The following RBFOX1 variants were observed in gnomAD, a reference collection of about 807,000 sequenced individuals.
RBFOX1 encodes the protein RNA binding protein fox-1 homolog 1.
RBFOX1 carries 8 observed loss-of-function variants against 57.7 expected under a neutral mutation model. The observed-to-expected ratio is 0.14, with a 90% CI of 0.08 to 0.25. RBFOX1 has a LOEUF of 0.25. Ranked by LOEUF, RBFOX1 falls within the 10% of genes least tolerant of loss-of-function variation. The probability of loss-of-function intolerance (pLI) is 1.00; values close to 1 mark genes in which losing one functional copy is unlikely to be tolerated. For synonymous variants in RBFOX1, 326 were observed against 222.4 expected, an observed-to-expected ratio of 1.47 and a Z score of -4.15; for missense variants, 611 against 548.5, an observed-to-expected ratio of 1.11 and a Z score of -1.14.
chr16:7,381,293 C>T (rs540135177), intron 4 of RBFOX1, among the ~76,000 whole-genome samples: 21 of 152,250 alleles, frequency 1.4e-4, no homozygotes, highest in Non-Finnish European at 3.1e-4. Flanking sequence ...CTTGTTGGCT[C>T]ATAATATTGC....
At chr16:6,045,881 C>T (rs1229269906) in intron 1 of RBFOX1, among the ~76,000 whole-genome samples, 1 of 152,078 alleles carries the variant, frequency 6.6e-6, no homozygotes, top group Non-Finnish European at 1.5e-5. Flanking sequence ...AAGACCATTC[C>T]AGGAAAACAG....
intron 2 of RBFOX1, among the ~76,000 whole-genome samples, chr16:5,470,944 T>C (rs1261682257): frequency 1.3e-5 from 2 of 152,144 alleles, no homozygotes; most frequent in Admixed American, 6.6e-5. Context: ...TTCCGCATCC[T>C]GGGTTCAAGC....
chr16:5,256,186 C>T (rs1473492523), intron 1 of RBFOX1, among the ~76,000 whole-genome samples: 2 of 152,124 alleles, frequency 1.3e-5, no homozygotes, highest in East Asian at 3.9e-4. Flanking sequence ...AAAAAAGTTC[C>T]CCATTGAATT....
chr16:6,988,958 T>G (rs1471826033), intron 3 of RBFOX1, among the ~76,000 whole-genome samples: 1 of 151,980 alleles, frequency 6.6e-6, no homozygotes, highest in Non-Finnish European at 1.5e-5. Flanking sequence ...GAGATGGGTT[T>G]TCCCATGTTG....
chr16:6,631,695 G>T (rs370198311), intron 2 of RBFOX1, among the ~76,000 whole-genome samples: 79 of 152,262 alleles, frequency 5.2e-4, no homozygotes, highest in African/African-American at 1.9e-3. Context: ...GAACAGAGAG[G>T]ATAAAGCATT....
chr16:6,863,916 T>G (rs981822948), intron 3 of RBFOX1, among the ~76,000 whole-genome samples: 10 of 151,752 alleles, frequency 6.6e-5, no homozygotes, highest in African/African-American at 2.4e-4. Flanking sequence ...GCCATTTGTT[T>G]CCTTCACACT....
intron 1 of RBFOX1, among the ~76,000 whole-genome samples, chr16:6,193,957 T>C (rs1440767296): frequency 6.6e-6 from 1 of 152,170 alleles, no homozygotes; most frequent in Non-Finnish European, 1.5e-5. Flanking sequence ...CCTCTTGGCT[T>C]TCCATTGTGT....
At chr16:5,796,130 T>A (rs2054869865) in intron 3 of RBFOX1, among the ~76,000 whole-genome samples, 1 of 152,122 alleles carries the variant, frequency 6.6e-6, no homozygotes, top group Non-Finnish European at 1.5e-5. Flanking sequence ...GTGAGCTGTT[T>A]TGGAAGGTCA....
At position 5,734,045 on chromosome 16, in the gene RBFOX1, G is replaced by A. The variant is rs1040779822; in HGVS notation, c.319-133258G>A. Among the ~76,000 whole-genome samples the A allele has an allele frequency of 4.6e-5, 7 of 152,096 alleles. 1 individual carries two copies. Among genetic ancestry groups the A allele is most frequent in the South Asian group, 4.2e-4 (2 of 4,818 alleles). ...TTGTCCATGTAATAAGAACATGCAC[G>A]AACAGCCCAGGCACTTTCCCAGGGT... On this transcript the variant is annotated intron_variant, in intron 3 of 19. Coordinates refer to the RBFOX1 transcript ENST00000641259.
chr16:6,137,874 T>C (rs2096679894), intron 1 of RBFOX1, among the ~76,000 whole-genome samples: 1 of 152,066 alleles, frequency 6.6e-6, no homozygotes. Context: ...TCTCCCAAAG[T>C]GTTGGGATCA....
intron 2 of RBFOX1, among the ~76,000 whole-genome samples, chr16:6,594,881 C>G (rs557934970): frequency 1.3e-5 from 2 of 152,122 alleles, no homozygotes; most frequent in East Asian, 3.9e-4. Context: ...CTCCGCCTCC[C>G]GGGTTCAAGC....
At chr16:7,002,082 C>G (rs972926679) in intron 3 of RBFOX1, among the ~76,000 whole-genome samples, 5 of 150,878 alleles carry the variant, frequency 3.3e-5, no homozygotes, top group African/African-American at 1.2e-4. Context: ...GGACTTTGCT[C>G]TTAGACGCTA....
chr16:7,562,974 T>C (rs1202507570), intron 5 of RBFOX1, among the ~76,000 whole-genome samples: 2 of 152,150 alleles, frequency 1.3e-5, no homozygotes, highest in East Asian at 3.9e-4. Flanking sequence ...TTAGATGCCA[T>C]TAAGGGACTT....
rs559219906 is a variant in RBFOX1, at chr16:6,140,304, G to A, written c.-127+120312G>A. On this transcript the variant is annotated intron_variant, in intron 1 of 15. Coordinates refer to ENST00000550418, the MANE Select transcript of RBFOX1 (RefSeq NM_018723.4). ...CCTCCTGGGTTCAAGCGATTGTCCT[G>A]CTTCAGCCCCATGAGTAGCTGGGAT... 6.6e-5 allele frequency among the ~76,000 whole-genome samples: 10 copies of A among 151,724 alleles called. No homozygotes were observed. The East Asian group carries it at 1.9e-3, about 30-fold the overall frequency.
intron 3 of RBFOX1, among the ~76,000 whole-genome samples, chr16:5,852,347 G>C (rs1449876283): frequency 6.6e-6 from 1 of 152,184 alleles, no homozygotes; most frequent in East Asian, 1.9e-4. Context: ...GGCCTGTCTA[G>C]AGGTGAGGGA....
At chr16:7,224,649 T>C (rs944011261) in intron 4 of RBFOX1, among the ~76,000 whole-genome samples, 6 of 152,144 alleles carry the variant, frequency 3.9e-5, no homozygotes, top group Non-Finnish European at 7.3e-5. Context: ...AAATGTCTTT[T>C]TGGTTAAAAT....
intron 2 of RBFOX1, among the ~76,000 whole-genome samples, chr16:5,491,631 A>C (rs2042831695): frequency 6.6e-6 from 1 of 152,208 alleles, no homozygotes; most frequent in African/African-American, 2.4e-5. Flanking sequence ...ATTTTTACGT[A>C]GTGTTCATGT....
chr16:7,439,076 T>C (rs186907336), intron 4 of RBFOX1, among the ~76,000 whole-genome samples: 1 of 152,164 alleles, frequency 6.6e-6, no homozygotes, highest in Non-Finnish European at 1.5e-5. Context: ...AGTCTCTCTG[T>C]GCACTCTCAG....
intron 4 of RBFOX1, among the ~76,000 whole-genome samples, chr16:7,379,155 A>G (rs2097740273): frequency 2.0e-5 from 3 of 152,332 alleles, no homozygotes; most frequent in Admixed American, 1.3e-4. Context: ...TGGGGATAGC[A>G]GTAAACTCTC....
Sources: allele counts gnomAD v4.1 joint callset (sites outside exome capture counted in the v4.1 genomes callset), GRCh38; gene constraint gnomAD v4.1.1; transcripts MANE v1.5; gene names NCBI Gene and HGNC (gene_info 2026-07-23, HGNC 2026-07-21).